Variants in EFNA5 observed in about 807,000 individuals in gnomAD.
EFNA5 encodes the protein ephrin-A5.
In EFNA5, 5 loss-of-function variants were observed where a neutral mutation model predicts 22.9. That is an observed-to-expected ratio of 0.22 (90% CI 0.11 to 0.46). The LOEUF is 0.46. EFNA5 is among the 20% of genes least tolerant of loss of function. EFNA5 has a pLI of 0.99. For missense variants in EFNA5, 237 were observed against 293.3 expected, an observed-to-expected ratio of 0.81 and a Z score of 1.40; for synonymous variants, 113 against 112.2, an observed-to-expected ratio of 1.01 and a Z score of -0.04.
intron 1 of EFNA5, among the ~76,000 whole-genome samples, chr5:107,556,404 G>T (rs1444955886): frequency 6.6e-6 from 1 of 152,104 alleles, no homozygotes; most frequent in South Asian, 2.1e-4. Context: ...AATTTTCTAT[G>T]CTTCAAGCTG....
At chr5:107,381,479 G>T in intron 4 of EFNA5, 103 bp from the exon 5 acceptor site, 1 of 1,309,824 alleles carries the variant, frequency 7.6e-7, no homozygotes, top group South Asian at 1.8e-5. Flanking sequence ...TGCAAAGTAG[G>T]GTAATGAACC....
intron 1 of EFNA5, among the ~76,000 whole-genome samples, chr5:107,548,839 A>G (rs1236480694): frequency 6.6e-6 from 1 of 152,230 alleles, no homozygotes; most frequent in African/African-American, 2.4e-5. Flanking sequence ...TCAACAGTGT[A>G]AAGTGGAAGA....
intron 1 of EFNA5, among the ~76,000 whole-genome samples, chr5:107,505,637 C>T (rs1273811649): frequency 6.6e-6 from 1 of 152,094 alleles, no homozygotes; most frequent in Non-Finnish European, 1.5e-5. Context: ...AATAGCAAAG[C>T]GTGTGAATAT....
chr5:107,454,759 T>C (rs1176980471), intron 1 of EFNA5, among the ~76,000 whole-genome samples: 2 of 152,214 alleles, frequency 1.3e-5, no homozygotes, highest in African/African-American at 4.8e-5. Flanking sequence ...TTAGTATATT[T>C]AGATATAGGC....
chr5:107,650,489 C>T (rs1178718590), intron 1 of EFNA5, among the ~76,000 whole-genome samples: 1 of 152,110 alleles, frequency 6.6e-6, no homozygotes, highest in Non-Finnish European at 1.5e-5. Context: ...ATTTGGGACA[C>T]AAAATAACGC....
At chr5:107,605,389 A>C (rs190326779) in intron 1 of EFNA5, among the ~76,000 whole-genome samples, 1 of 152,054 alleles carries the variant, frequency 6.6e-6, no homozygotes. Context: ...AATTTTTTGC[A>C]ATCTTCTTTT....
At chr5:107,482,881 T>TAC (rs1750524448) in intron 1 of EFNA5, among the ~76,000 whole-genome samples, 2 of 126,946 alleles carry the variant, frequency 1.6e-5, no homozygotes. Context: ...TATATATATA[T>TAC]ATATATATAT....
intron 1 of EFNA5, among the ~76,000 whole-genome samples, chr5:107,562,901 T>C (rs1385927048): frequency 6.6e-6 from 1 of 152,240 alleles, no homozygotes; most frequent in African/African-American, 2.4e-5. Flanking sequence ...ATTTATAATG[T>C]AATATTTATA....
In EFNA5 at chr5:107,377,687, C is replaced by G. The variant is rs1747303658; in HGVS notation, c.*3568G>C. On this transcript the variant is annotated 3_prime_UTR_variant, in exon 5 of 5. Transcript: ENST00000333274. ...GCTTCCTACACTGATTGGTTTGCAA[C>G]CATTTCCATGAGTGAGCTGCACATG... 6.6e-6 allele frequency: 1 copy of G among 152,134 alleles called. No individual in the cohort carries two copies. The highest frequency in any genetic ancestry group is 1.5e-5 in the Non-Finnish European group (1 of 68,032). The allele number at this position is 152,134 out of a possible 1,614,324, so 9.4% of individuals were successfully genotyped here.
At chr5:107,644,534 GCAGA>G (rs1246128233) in intron 1 of EFNA5, among the ~76,000 whole-genome samples, 1 of 152,020 alleles carries the variant, frequency 6.6e-6, no homozygotes. Context: ...GCTGTAACAA[GCAGA>G]CAAATCCAGT....
intron 1 of EFNA5, among the ~76,000 whole-genome samples, chr5:107,652,027 TGA>T (rs1750746006): frequency 6.6e-6 from 1 of 152,156 alleles, no homozygotes; most frequent in Admixed American, 6.6e-5. Context: ...AGGAAGTATA[TGA>T]GATATCTCTG....
intron 1 of EFNA5, among the ~76,000 whole-genome samples, chr5:107,602,847 A>G (rs1369541744): frequency 6.8e-6 from 1 of 146,638 alleles, no homozygotes; most frequent in African/African-American, 2.5e-5. Context: ...AAGAAAGAAA[A>G]AAATACTAAT....
intron 1 of EFNA5, among the ~76,000 whole-genome samples, chr5:107,482,592 G>A (rs1750497851): frequency 6.6e-6 from 1 of 152,070 alleles, no homozygotes; most frequent in South Asian, 2.1e-4. Flanking sequence ...TTGCCAGAGT[G>A]CTCTGAGCAG....
At chr5:107,533,240 G>A (rs1017304499) in intron 1 of EFNA5, among the ~76,000 whole-genome samples, 1 of 152,214 alleles carries the variant, frequency 6.6e-6, no homozygotes, top group Non-Finnish European at 1.5e-5. Context: ...CACCTTCACT[G>A]CTCTCGATAT....
chr5:107,539,464 CTG>C (rs1747997487), intron 1 of EFNA5, among the ~76,000 whole-genome samples: 3 of 152,176 alleles, frequency 2.0e-5, no homozygotes, highest in South Asian at 4.1e-4. Context: ...ACTTGGAAAA[CTG>C]TCTCAAAAAA....
rs904265965 is a variant in EFNA5 at position 107,440,999 on chromosome 5, T to TA, written c.126-13491dup. On this transcript the variant is annotated intron_variant, in intron 1 of 4. Transcript: ENST00000333274. ...CAAAATCATACCCCATTTTGCATGC[T>TA]AAAAAAAAAACTTGGATTTTTTTTT... 9.9e-4 allele frequency among the ~76,000 whole-genome samples: 143 copies of TA among 144,666 alleles called. 1 individual carries two copies. The highest frequency in any genetic ancestry group is 2.6e-3 in the East Asian group (13 of 5,044). 94.9% of individuals were successfully genotyped at this position (144,666 alleles called of 152,430 possible). A position where few individuals can be genotyped will look rare whatever the true frequency, so the allele number is the denominator to read the frequency against.
At chr5:107,525,970 T>G (rs534225937) in intron 1 of EFNA5, among the ~76,000 whole-genome samples, 3 of 152,316 alleles carry the variant, frequency 2.0e-5, no homozygotes, top group Non-Finnish European at 4.4e-5. Context: ...TTTTATTTAG[T>G]TAGCAATCAT....
chr5:107,593,569 T>G (rs556992344), intron 1 of EFNA5, among the ~76,000 whole-genome samples: 209 of 152,250 alleles, frequency 1.4e-3, no homozygotes, highest in Admixed American at 1.3e-3. Context: ...CCTAGGGAGC[T>G]TTCAAAACCA....
chr5:107,644,630 G>C (rs914638951), intron 1 of EFNA5, among the ~76,000 whole-genome samples: 1 of 152,148 alleles, frequency 6.6e-6, no homozygotes, highest in Non-Finnish European at 1.5e-5. Flanking sequence ...CATAATAGAT[G>C]CTCAATCAAG....
Sources: allele counts gnomAD v4.1 joint callset (sites outside exome capture counted in the v4.1 genomes callset), GRCh38; gene constraint gnomAD v4.1.1; transcripts MANE v1.5; gene names NCBI Gene and HGNC (gene_info 2026-07-23, HGNC 2026-07-21).